Variants in PHLDB2 observed in about 807,000 individuals in gnomAD.
PHLDB2 encodes the protein pleckstrin homology like domain family B member 2.
A neutral mutation model predicts 123.6 loss-of-function variants in PHLDB2; 71 were observed. The ratio of observed to expected loss-of-function variants is 0.57; its 90% CI spans 0.47 to 0.70. The LOEUF (loss-of-function observed/expected upper bound fraction) is 0.70, where lower values mean the gene tolerates loss of function less well. Among genes scored for constraint, PHLDB2 ranks in the 30% least tolerant of loss-of-function variants. PHLDB2 has a pLI of 0.00. For synonymous variants in PHLDB2, 547 were observed against 541.6 expected (o/e 1.01, Z -0.14); for missense variants, 1,446 against 1,519.5 (o/e 0.95, Z 0.80).
chr3:111,834,164 ATG>A (rs2063244966), intron 1 of PHLDB2, among the ~76,000 whole-genome samples: 1 of 125,508 alleles, frequency 8.0e-6, no homozygotes, highest in African/African-American at 3.2e-5. Flanking sequence ...TATATTATAT[ATG>A]TAATAGAATT....
rs745884447 is a variant in PHLDB2 at position 111,885,192 on chromosome 3, A to G, written c.1115A>G (p.Glu372Gly). ...TNPSHSLLAG[E>G]SDRVFATRRN... ...CCGAGTCATTCACTTCTTGCTGGAG[A>G]GTCAGACAGAGTTTTTGCGACCAGG... Residue 372 changes from glutamate (E) to glycine (G), a missense_variant, in exon 2 of 18, where the codon GAG (glutamate) becomes GGG (glycine). Glu to Gly is a moderately conservative substitution (Grantham distance 98). Coordinates refer to ENST00000431670, the MANE Select transcript of PHLDB2 (RefSeq NM_001134438.2). The G allele has an allele frequency of 9.3e-6, 15 of 1,613,852 alleles. No homozygotes were observed. In the Admixed American group the frequency reaches 2.3e-4, roughly 25 times the overall value.
intron 1 of PHLDB2, among the ~76,000 whole-genome samples, chr3:111,843,996 A>G (rs1361156843): frequency 1.3e-5 from 2 of 152,102 alleles, no homozygotes; most frequent in Non-Finnish European, 2.9e-5. Flanking sequence ...TCTAATTGTA[A>G]CCTTCCCATC....
intron 1 of PHLDB2, among the ~76,000 whole-genome samples, chr3:111,874,578 C>T (rs2065508771): frequency 6.6e-6 from 1 of 152,140 alleles, no homozygotes; most frequent in Non-Finnish European, 1.5e-5. Flanking sequence ...GGCTAGTTGT[C>T]CTAGCAGGGG....
intron 1 of PHLDB2, among the ~76,000 whole-genome samples, chr3:111,791,024 A>G (rs1184309754): frequency 4.6e-5 from 7 of 152,146 alleles, no homozygotes; most frequent in Admixed American, 4.6e-4. Flanking sequence ...TCTCTGTAAT[A>G]TTATCTTCCC....
chr3:111,767,573 T>C (rs975479252), intron 1 of PHLDB2, among the ~76,000 whole-genome samples: 2 of 152,240 alleles, frequency 1.3e-5, no homozygotes, highest in Admixed American at 1.3e-4. Flanking sequence ...TGTATTTTTA[T>C]TATCTGAAAA....
chr3:111,813,479 AGCCTTTGG>A (rs1347006855), intron 1 of PHLDB2, among the ~76,000 whole-genome samples: 2 of 152,192 alleles, frequency 1.3e-5, no homozygotes, highest in African/African-American at 2.4e-5. Context: ...CAAACCTACC[AGCCTTTGG>A]GCTTTTATGA....
intron 13 of PHLDB2, 100 bp from the exon 14 acceptor site, chr3:111,966,513 G>T: frequency 1.7e-6 from 1 of 576,506 alleles, no homozygotes; most frequent in Non-Finnish European, 2.9e-6. Flanking sequence ...GTGTGTGTGT[G>T]TGTGTGTGTC....
In PHLDB2 at chr3:111,773,250, C is replaced by T. The variant is rs1292999885; in HGVS notation, c.-49+40547C>T. 4.6e-5 allele frequency among the ~76,000 whole-genome samples: 7 copies of T among 152,130 alleles called. No homozygotes were observed. The East Asian group carries it at 9.7e-4, about 21-fold the overall frequency. ...AAGGTTTCCCAGGCTCTGCTCCAAA[C>T]CTGGAGCAGAAGTTCTTGGAGTGAG... is the stretch of plus-strand genomic sequence containing the variant. On this transcript the variant is annotated intron_variant, in intron 1 of 17. Coordinates refer to the PHLDB2 transcript ENST00000393923.
At chr3:111,914,015 C>T in intron 3 of PHLDB2, 1 of 321,184 alleles carries the variant, frequency 3.1e-6, no homozygotes, top group Non-Finnish European at 5.7e-6. Flanking sequence ...GTCTTACCTG[C>T]CTTCCTAATA....
chr3:111,919,988 A>ATTGT (rs2068402541), intron 4 of PHLDB2, among the ~76,000 whole-genome samples: 1 of 152,184 alleles, frequency 6.6e-6, no homozygotes, highest in Non-Finnish European at 1.5e-5. Context: ...CTTGATCTTG[A>ATTGT]GCTGAAGCAA....
chr3:111,758,974 C>T (rs1279273685), intron 1 of PHLDB2, among the ~76,000 whole-genome samples: 1 of 152,096 alleles, frequency 6.6e-6, no homozygotes, highest in Non-Finnish European at 1.5e-5. Context: ...CATCTTTAGC[C>T]TATAAGCTTC....
At chr3:111,888,679 G>A (rs1051974133) in intron 2 of PHLDB2, among the ~76,000 whole-genome samples, 2 of 152,136 alleles carry the variant, frequency 1.3e-5, no homozygotes, top group African/African-American at 4.8e-5. Flanking sequence ...AGATCAGTCT[G>A]TCATTTCAAT....
At chr3:111,743,745 G>C (rs2059640793) in intron 1 of PHLDB2, among the ~76,000 whole-genome samples, 1 of 152,216 alleles carries the variant, frequency 6.6e-6, no homozygotes, top group African/African-American at 2.4e-5. Flanking sequence ...TCCTTCTTAA[G>C]TTGGCTTAGG....
chr3:111,749,872 T>A (rs947148306), intron 1 of PHLDB2, among the ~76,000 whole-genome samples: 45 of 152,362 alleles, frequency 3.0e-4, no homozygotes, highest in African/African-American at 1.1e-3. Context: ...AGAAGGCATT[T>A]CCATTTCATG....
intron 1 of PHLDB2, among the ~76,000 whole-genome samples, chr3:111,780,511 C>T (rs1234591857): frequency 6.6e-6 from 1 of 151,586 alleles, no homozygotes; most frequent in African/African-American, 2.4e-5. Context: ...CAGTGCCATG[C>T]TCTTAGACTT....
intron 1 of PHLDB2, among the ~76,000 whole-genome samples, chr3:111,803,575 G>C (rs1164823606): frequency 6.6e-6 from 1 of 152,098 alleles, no homozygotes; most frequent in Non-Finnish European, 1.5e-5. Context: ...TAGTAGAATG[G>C]AACACCATCT....
At chr3:111,901,977 A>G (rs929116206) in intron 2 of PHLDB2, among the ~76,000 whole-genome samples, 5 of 152,214 alleles carry the variant, frequency 3.3e-5, no homozygotes, top group East Asian at 1.9e-4. Flanking sequence ...GTCATTCATA[A>G]TGGGCATTTT....
chr3:111,958,002 C>CT (rs2071161421), intron 12 of PHLDB2: 1 of 152,096 alleles, frequency 6.6e-6, no homozygotes, highest in African/African-American at 2.4e-5. Context: ...TTGTAACAGT[C>CT]TTTTTTGACT....
intron 1 of PHLDB2, among the ~76,000 whole-genome samples, chr3:111,768,763 C>T (rs888998756): frequency 1.1e-4 from 17 of 152,178 alleles, no homozygotes; most frequent in African/African-American, 4.1e-4. Flanking sequence ...AGTCCACCCA[C>T]GTACTTGGAG....
Sources: allele counts gnomAD v4.1 joint callset (sites outside exome capture counted in the v4.1 genomes callset), GRCh38; gene constraint gnomAD v4.1.1; transcripts MANE v1.5; gene names NCBI Gene and HGNC (gene_info 2026-07-23, HGNC 2026-07-21).